Variants in PSMA6 observed in about 807,000 individuals in gnomAD.
The protein encoded by PSMA6 is proteasome subunit alpha type-6.
For missense variants in PSMA6, 170 were observed against 294.8 expected (o/e 0.58, Z 3.10); for synonymous variants, 88 against 97.7 (o/e 0.90, Z 0.59).
chr14:35,297,892 T>C (rs1365164972), intron 1 of PSMA6, among the ~76,000 whole-genome samples: 1 of 152,160 alleles, frequency 6.6e-6, no homozygotes, highest in African/African-American at 2.4e-5. Context: ...TGAGGAAGTG[T>C]TGGGGAAAAT....
rs1052149664 is a variant in PSMA6, at chr14:35,304,658, C to G, written c.77-3336C>G. Among the ~76,000 whole-genome samples, 5 of 149,716 alleles carry G rather than the reference C, an allele frequency of 3.3e-5. No individual in the cohort carries two copies. The East Asian group carries it at 9.8e-4, about 29-fold the overall frequency. ...GGCAGAATTGCTCCAACCCAGGAGG[C>G]AGGGGTTGCAGTAAGCCAAGATTGC... On this transcript the variant is annotated intron_variant, in intron 1 of 6. Transcript: ENST00000261479.
intron 1 of PSMA6, 93 bp downstream of exon 1, chr14:35,292,645 G>C (rs1165062347): frequency 9.0e-6 from 14 of 1,552,064 alleles, no homozygotes; most frequent in Non-Finnish European, 1.2e-5. Context: ...TTAGTCTGGG[G>C]CCGAAGCTGG....
intron 1 of PSMA6, among the ~76,000 whole-genome samples, chr14:35,302,683 CACAG>C (rs1168233095): frequency 7.2e-5 from 11 of 152,088 alleles, no homozygotes; most frequent in Admixed American, 3.3e-4. Context: ...GATGTAGACC[CACAG>C]ATTCGTTGTT....
chr14:35,306,912 C>T (rs1359088168), intron 1 of PSMA6, among the ~76,000 whole-genome samples: 2 of 151,768 alleles, frequency 1.3e-5, no homozygotes, highest in African/African-American at 2.4e-5. Context: ...TTTGGGAGGC[C>T]GAGGTGGGTG....
At chr14:35,307,198 A>G (rs1214706585) in intron 1 of PSMA6, among the ~76,000 whole-genome samples, 1 of 152,204 alleles carries the variant, frequency 6.6e-6, no homozygotes, top group East Asian at 1.9e-4. Flanking sequence ...TGCAAAAAGC[A>G]TGATCCAGAA....
intron 1 of PSMA6, among the ~76,000 whole-genome samples, chr14:35,304,462 C>T (rs983496432): frequency 2.6e-5 from 4 of 152,024 alleles, no homozygotes; most frequent in Admixed American, 6.6e-5. Context: ...TGAGCGCGGT[C>T]GCTCACACCT....
chr14:35,281,120 A>T (rs1231519365), intron 1 of PSMA6, among the ~76,000 whole-genome samples: 1 of 151,662 alleles, frequency 6.6e-6, no homozygotes, highest in African/African-American at 2.4e-5. Flanking sequence ...CTTTCTCCCT[A>T]CCCTGCCTCT....
At chr14:35,292,337 C>T (rs2051497377), upstream of PSMA6, 5 of 1,505,520 alleles carry the variant, frequency 3.3e-6, no homozygotes, top group Non-Finnish European at 3.5e-6. Context: ...GCTCCAGAGC[C>T]GTGAGTTCGG....
At chr14:35,292,208 G>A (rs568680051), upstream of PSMA6, 3 of 932,236 alleles carry the variant, frequency 3.2e-6, no homozygotes, top group East Asian at 1.1e-4. Flanking sequence ...CACGACCCAA[G>A]TTTCACGTCT....
At chr14:35,314,267 T>C in intron 5 of PSMA6, 94 bp from the exon 6 acceptor site, 1 of 1,308,760 alleles carries the variant, frequency 7.6e-7, no homozygotes, top group Non-Finnish European at 1.0e-6. Flanking sequence ...AACATGGAGC[T>C]CCTGATTGAC....
intron 3 of PSMA6, 103 bp from the exon 4 acceptor site, chr14:35,310,637 C>T (rs2051926557): frequency 3.5e-6 from 4 of 1,131,426 alleles, no homozygotes; most frequent in Admixed American, 2.3e-5. Context: ...CTCTTTAACT[C>T]ATGTATGTCT....
chr14:35,304,705 C>T (rs1027899725), intron 1 of PSMA6, among the ~76,000 whole-genome samples: 12 of 146,008 alleles, frequency 8.2e-5, no homozygotes, highest in African/African-American at 2.3e-4. Context: ...CCAACCTGGG[C>T]GACAGAGTGA....
intron 1 of PSMA6, among the ~76,000 whole-genome samples, chr14:35,302,396 C>A (rs752663618): frequency 6.6e-6 from 1 of 151,170 alleles, no homozygotes; most frequent in Non-Finnish European, 1.5e-5. Context: ...GTTTAAACAA[C>A]ACACACTTAT....
intron 1 of PSMA6, among the ~76,000 whole-genome samples, chr14:35,298,358 C>T (rs1001682618): frequency 3.9e-5 from 6 of 151,938 alleles, no homozygotes; most frequent in Admixed American, 3.3e-4. Context: ...GGTGTGGTGG[C>T]GTGCCCCTGT....
chr14:35,312,347 A>T (rs550848693), intron 4 of PSMA6, among the ~76,000 whole-genome samples: 12 of 151,940 alleles, frequency 7.9e-5, no homozygotes, highest in Non-Finnish European at 1.5e-4. Context: ...CTCTACTAAA[A>T]ACACAAAAAA....
intron 1 of PSMA6, among the ~76,000 whole-genome samples, chr14:35,307,548 A>G (rs945770369): frequency 4.6e-5 from 7 of 152,156 alleles, no homozygotes; most frequent in African/African-American, 7.2e-5. Flanking sequence ...AGCCTGGCCA[A>G]CACAGCGAAA....
intron 5 of PSMA6, 144 bp downstream of exon 5, chr14:35,313,203 G>A (rs2051978086): frequency 6.7e-6 from 5 of 743,382 alleles, no homozygotes; most frequent in Middle Eastern, 3.5e-4. Context: ...TCATACAGCT[G>A]ACATAGGAAA....
intron 1 of PSMA6, among the ~76,000 whole-genome samples, chr14:35,285,245 CTGAAG>C (rs955994145): frequency 1.1e-4 from 17 of 151,250 alleles, no homozygotes; most frequent in African/African-American, 4.1e-4. Flanking sequence ...ACTTGGGAGG[CTGAAG>C]TGGGAGGATC....
upstream of PSMA6, among the ~76,000 whole-genome samples, chr14:35,289,433 G>A (rs1391580756): frequency 6.6e-6 from 1 of 151,950 alleles, no homozygotes; most frequent in Non-Finnish European, 1.5e-5. Flanking sequence ...AGGCTCAAGC[G>A]ATTCTCCTGC....
Sources: gnomAD v4.1 joint callset for allele counts (sites outside exome capture counted in the v4.1 genomes callset) on GRCh38, gnomAD v4.1.1 for gene constraint, MANE v1.5 for transcripts, NCBI Gene and HGNC (gene_info 2026-07-23, HGNC 2026-07-21) for gene names.